The following DPYD variants were observed in gnomAD, a reference collection of about 807,000 sequenced individuals.
The protein encoded by DPYD is dihydropyrimidine dehydrogenase [NADP(+)].
In DPYD, 109 loss-of-function variants were observed where a neutral mutation model predicts 116.2. The observed-to-expected ratio is 0.94, with a 90% CI of 0.80 to 1.10. The LOEUF (loss-of-function observed/expected upper bound fraction) is 1.10. Among genes scored for constraint, DPYD ranks in the 50% least tolerant of loss-of-function variants. DPYD has a pLI of 0.00. For missense variants in DPYD, 1,302 were observed against 1,254.5 expected (o/e 1.04, Z -0.57); for synonymous variants, 440 against 432.0 (o/e 1.02, Z -0.23).
chr1:97,079,204 C>G lies in DPYD; in HGVS notation c.2908-58G>C, dbSNP rs17116357. 0.15 allele frequency: 242,190 copies of G among 1,591,012 alleles called. 19,856 individuals carry two copies. Among genetic ancestry groups the G allele is most frequent in the Non-Finnish European group, 0.17 (194,800 of 1,160,938 alleles). On this transcript the variant is annotated intron_variant, in intron 22 of 22. Coordinates refer to ENST00000370192, the MANE Select transcript of DPYD (RefSeq NM_000110.4). ...TGACCACAAAGGTCAACAATGTCCC[C>G]ATTTTAGCGTTAACATTTTTCTCTG... is the stretch of plus-strand genomic sequence containing the variant.
intron 20 of DPYD, among the ~76,000 whole-genome samples, chr1:97,102,688 G>A (rs564086098): frequency 6.6e-6 from 1 of 151,362 alleles, no homozygotes. Flanking sequence ...TATCCACTCT[G>A]GGCCAGGAAC....
chr1:97,156,177 T>G (rs1355818096), intron 20 of DPYD, among the ~76,000 whole-genome samples: 3 of 151,954 alleles, frequency 2.0e-5, no homozygotes, highest in Non-Finnish European at 2.9e-5. Flanking sequence ...AATGAATAAA[T>G]TTTTTTTACC....
intron 1 of DPYD, among the ~76,000 whole-genome samples, chr1:97,909,848 G>A (rs1267605723): frequency 6.6e-6 from 1 of 152,024 alleles, no homozygotes; most frequent in Non-Finnish European, 1.5e-5. Context: ...ACATCCAAAA[G>A]TTTACTTTCA....
chr1:97,656,172 T>C (rs577845367), intron 8 of DPYD, among the ~76,000 whole-genome samples: 1 of 152,316 alleles, frequency 6.6e-6, no homozygotes, highest in South Asian at 2.1e-4. Flanking sequence ...AACTGTCATA[T>C]TCTACCTACG....
intron 3 of DPYD, among the ~76,000 whole-genome samples, chr1:97,751,456 G>GTATATATA (rs1326157374): frequency 3.8e-3 from 93 of 24,398 alleles, no homozygotes; most frequent in Non-Finnish European, 6.2e-3. Context: ...GTGTGTGTGT[G>GTATATATA]TGTGTATATA....
intron 19 of DPYD, among the ~76,000 whole-genome samples, chr1:97,213,414 T>C (rs1362018350): frequency 6.6e-6 from 1 of 152,174 alleles, no homozygotes; most frequent in Non-Finnish European, 1.5e-5. Flanking sequence ...TGGATTATAG[T>C]TAGGCTTTGG....
chr1:97,843,281 A>C (rs984510312), intron 2 of DPYD, among the ~76,000 whole-genome samples: 1 of 152,156 alleles, frequency 6.6e-6, no homozygotes, highest in African/African-American at 2.4e-5. Flanking sequence ...TCACTATAGC[A>C]ATAACTCACC....
chr1:97,667,034 T>C (rs776254477), intron 8 of DPYD, among the ~76,000 whole-genome samples: 3 of 152,220 alleles, frequency 2.0e-5, no homozygotes, highest in African/African-American at 7.2e-5. Flanking sequence ...TATTGGCACA[T>C]AGCCATATTC....
Position 97,842,700 on chromosome 1 carries a change from T to C in DPYD, c.151-14504A>G, listed in dbSNP as rs1327112115. Among the ~76,000 whole-genome samples the C allele has an allele frequency of 5.3e-5, 8 of 152,160 alleles. No individual in the cohort carries two copies. The East Asian group carries it at 1.5e-3, about 29-fold the overall frequency. ...TATCAGCCCTCTATTCACTGACACA[T>C]TGCTGAAATCATTAAACTGGAAGGG... On this transcript the variant is annotated intron_variant, in intron 2 of 22. Coordinates refer to ENST00000370192, the MANE Select transcript of DPYD (RefSeq NM_000110.4).
Position 97,306,449 on chromosome 1 carries a change from C to T in DPYD, c.2059-152G>A. ...TTTCTCAAATTCCTCCTCAGTATTA[C>T]ACCTAGACTCATTAGGGAACTAAGG... On this transcript the variant is annotated intron_variant, in intron 16 of 22. Coordinates refer to ENST00000370192, the MANE Select transcript of DPYD (RefSeq NM_000110.4). The T allele has an allele frequency of 4.1e-6, 4 of 972,570 alleles. No homozygotes were observed. In the South Asian group the frequency reaches 4.1e-5, roughly 10 times the overall value. The allele number at this position is 972,570 out of a possible 1,614,324, so 60.2% of individuals were successfully genotyped here.
At chr1:97,357,075 G>A (rs1260553622) in intron 16 of DPYD, among the ~76,000 whole-genome samples, 1 of 152,082 alleles carries the variant, frequency 6.6e-6, no homozygotes, top group Non-Finnish European at 1.5e-5. Flanking sequence ...AATTTTCATA[G>A]GTATTACACT....
chr1:97,833,278 T>C (rs1038592462), intron 2 of DPYD, among the ~76,000 whole-genome samples: 4 of 152,042 alleles, frequency 2.6e-5, no homozygotes, highest in Admixed American at 6.6e-5. Flanking sequence ...TAAATTTCAG[T>C]GCAGAAAAAA....
At chr1:97,138,701 AT>A (rs1653985755) in intron 20 of DPYD, among the ~76,000 whole-genome samples, 1 of 152,182 alleles carries the variant, frequency 6.6e-6, no homozygotes, top group Admixed American at 6.6e-5. Flanking sequence ...AAAAACATAA[AT>A]ATGAACTAAT....
At chr1:97,437,529 T>A (rs913444908) in intron 14 of DPYD, among the ~76,000 whole-genome samples, 4 of 151,916 alleles carry the variant, frequency 2.6e-5, no homozygotes, top group East Asian at 3.8e-4. Context: ...CCCGTACAAG[T>A]CTTTGTATAG....
chr1:97,454,733 T>TAGGTAAG (rs1676592926), intron 13 of DPYD, among the ~76,000 whole-genome samples: 1 of 151,930 alleles, frequency 6.6e-6, no homozygotes, highest in East Asian at 1.9e-4. Flanking sequence ...TTGTTTAGGT[T>TAGGTAAG]CATTTACTTG....
chr1:97,342,565 T>A (rs944078192), intron 16 of DPYD, among the ~76,000 whole-genome samples: 3 of 152,136 alleles, frequency 2.0e-5, no homozygotes, highest in Non-Finnish European at 1.5e-5. Context: ...AGGTTCAGAG[T>A]TGACAAATAT....
At chr1:97,160,880 A>G (rs1442616659) in intron 20 of DPYD, among the ~76,000 whole-genome samples, 4 of 152,118 alleles carry the variant, frequency 2.6e-5, no homozygotes, top group East Asian at 1.9e-4. Flanking sequence ...CCTGGTCACT[A>G]TTTATTCTTG....
At chr1:97,515,659 T>A (rs1192685611) in intron 13 of DPYD, 67 bp downstream of exon 13, 1 of 1,406,716 alleles carries the variant, frequency 7.1e-7, no homozygotes, top group Non-Finnish European at 9.8e-7. Flanking sequence ...AAATCCATTA[T>A]AATGTTTATA....
At chr1:97,351,630 C>T (rs1009980021) in intron 16 of DPYD, among the ~76,000 whole-genome samples, 5 of 151,758 alleles carry the variant, frequency 3.3e-5, no homozygotes, top group African/African-American at 1.2e-4. Flanking sequence ...AGCTACTATC[C>T]CCAATCTTAT....
Sources: allele counts gnomAD v4.1 joint callset (sites outside exome capture counted in the v4.1 genomes callset), GRCh38; gene constraint gnomAD v4.1.1; transcripts MANE v1.5; gene names NCBI Gene and HGNC (gene_info 2026-07-23, HGNC 2026-07-21).